C14orf132: variants seen among roughly 807,000 people sequenced by gnomAD.
C14orf132 encodes uncharacterized protein C14orf132.
Under a neutral mutation model 5.8 loss-of-function variants are expected in C14orf132, and 6 were observed. That is an observed-to-expected ratio of 1.03 (90% CI 0.57 to 2.04). The LOEUF (loss-of-function observed/expected upper bound fraction) is 2.04. Among genes scored for constraint, C14orf132 ranks in the 30% most tolerant of loss-of-function variants. The probability of loss-of-function intolerance (pLI) is 0.00; values close to 1 mark genes in which losing one functional copy is unlikely to be tolerated. For synonymous variants in C14orf132, 51 were observed against 49.8 expected, an observed-to-expected ratio of 1.02 and a Z score of -0.10; for missense variants, 125 against 115.8, an observed-to-expected ratio of 1.08 and a Z score of -0.37.
Position 96,057,557 on chromosome 14 carries a change from C to G in C14orf132, c.27+18030C>G, listed in dbSNP as rs541158401. Among the ~76,000 whole-genome samples the G allele has an allele frequency of 1.6e-3, 241 of 152,286 alleles. 1 individual carries two copies. Among genetic ancestry groups the G allele is most frequent in the Non-Finnish European group, 2.4e-3 (161 of 68,012 alleles). On this transcript the variant is annotated intron_variant, in intron 1 of 1. Coordinates refer to ENST00000555004, the MANE Select transcript of C14orf132 (RefSeq NM_001252507.3). ...CCTCAGGGCATCTACTGGAATGGTT[C>G]AGGCTGAAGGAGCTCATTGAACCCC...
intron 1 of C14orf132, among the ~76,000 whole-genome samples, chr14:96,082,801 G>GT (rs1295621765): frequency 7.9e-5 from 12 of 152,214 alleles, no homozygotes; most frequent in Non-Finnish European, 2.9e-5. Flanking sequence ...TAATCATTGC[G>GT]TAACTGTCTT....
chr14:96,047,709 C>T (rs1305808989), intron 1 of C14orf132, among the ~76,000 whole-genome samples: 1 of 152,168 alleles, frequency 6.6e-6, no homozygotes, highest in Non-Finnish European at 1.5e-5. Flanking sequence ...TGCATCACGT[C>T]AGCCTATTAT....
At chr14:96,080,055 G>C (rs1181427394) in intron 1 of C14orf132, among the ~76,000 whole-genome samples, 1 of 152,174 alleles carries the variant, frequency 6.6e-6, no homozygotes, top group African/African-American at 2.4e-5. Flanking sequence ...ATTTAAGTAG[G>C]CATCTTAAAT....
intron 1 of C14orf132, among the ~76,000 whole-genome samples, chr14:96,076,664 G>A (rs1353240597): frequency 2.0e-5 from 3 of 152,188 alleles, no homozygotes; most frequent in African/African-American, 7.2e-5. Flanking sequence ...AAAGCTTATG[G>A]ATTTGTGTTG....
chr14:96,085,909 CAG>C (rs1792098432), intron 1 of C14orf132, among the ~76,000 whole-genome samples: 1 of 151,906 alleles, frequency 6.6e-6, no homozygotes, highest in Non-Finnish European at 1.5e-5. Context: ...CATTTTGAAA[CAG>C]GGATTAAAAA....
At position 96,077,526 on chromosome 14, in the gene C14orf132, C is replaced by T. The variant is rs149252335; in HGVS notation, c.28-8985C>T. On this transcript the variant is annotated intron_variant, in intron 1 of 1. Transcript: ENST00000555004. ...ACAGAGGGAAGACCATGTGAAGACACAGGGAGAAGGTGGCCACCTGCAAGC... is the reference window on the plus strand; with the variant it reads ...ACAGAGGGAAGACCATGTGAAGACATAGGGAGAAGGTGGCCACCTGCAAGC... Among the ~76,000 whole-genome samples the T allele has an allele frequency of 4.6e-3, 704 of 152,228 alleles. 11 individuals are homozygous for T. The highest frequency in any genetic ancestry group is 0.036 in the East Asian group (185 of 5,166).
chr14:96,051,411 C>T (rs912943463), intron 1 of C14orf132, among the ~76,000 whole-genome samples: 7 of 152,276 alleles, frequency 4.6e-5, no homozygotes, highest in African/African-American at 7.2e-5. Context: ...GGGGAAATGC[C>T]GGGAGCAGGT....
rs1886640538 is a variant in C14orf132 at position 96,039,906 on chromosome 14, G to A, written c.27+379G>A. 6.6e-6 allele frequency among the ~76,000 whole-genome samples: 1 copy of A among 152,102 alleles called. No individual in the cohort carries two copies. The highest frequency in any genetic ancestry group is 1.5e-5 in the Non-Finnish European group (1 of 68,000). ...GCCAGCTCAGACCCGCGCGAACGTGGATGGGCACACAGTCTCGCCCTTCCC... is the reference window on the plus strand; with the variant it reads ...GCCAGCTCAGACCCGCGCGAACGTGAATGGGCACACAGTCTCGCCCTTCCC... On this transcript the variant is annotated intron_variant, in intron 1 of 1. Coordinates refer to ENST00000555004, the MANE Select transcript of C14orf132 (RefSeq NM_001252507.3). This position sits in a 1 kb window ranked among gnomAD's most constrained non-coding sequence, Gnocchi z 5.3.
At chr14:96,073,431 A>G (rs1410485595) in intron 1 of C14orf132, among the ~76,000 whole-genome samples, 2 of 152,268 alleles carry the variant, frequency 1.3e-5, no homozygotes, top group African/African-American at 2.4e-5. Flanking sequence ...AACCTATGAA[A>G]AAAAGTTCAA....
At chr14:96,066,780 T>A (rs1254403935) in intron 1 of C14orf132, among the ~76,000 whole-genome samples, 2 of 152,190 alleles carry the variant, frequency 1.3e-5, no homozygotes, top group Non-Finnish European at 2.9e-5. Flanking sequence ...CATAATATAT[T>A]GTAATGTAAT....
At position 96,093,455 on chromosome 14, in the gene C14orf132, G is replaced by C. The variant is rs546777899; in HGVS notation, c.*6720G>C. Reference sequence around the variant, plus strand: ...TCTCTTATTTCTGACCTTTTTCCACGTGCCCAGTCCTATTTCTGCCAGTTG... The same window carrying C: ...TCTCTTATTTCTGACCTTTTTCCACCTGCCCAGTCCTATTTCTGCCAGTTG... On this transcript the variant is annotated 3_prime_UTR_variant, in exon 2 of 2. Coordinates refer to ENST00000555004, the MANE Select transcript of C14orf132 (RefSeq NM_001252507.3). 56 of 152,298 alleles carry C rather than the reference G, an allele frequency of 3.7e-4. No individual in the cohort carries two copies. Among genetic ancestry groups the C allele is most frequent in the African/African-American group, 1.3e-3 (54 of 41,546 alleles). The allele number at this position is 152,298 out of a possible 1,614,324, so 9.4% of individuals were successfully genotyped here.
intron 1 of C14orf132, among the ~76,000 whole-genome samples, chr14:96,067,727 C>T (rs184095354): frequency 4.1e-4 from 62 of 151,960 alleles, no homozygotes; most frequent in Admixed American, 2.7e-3. Flanking sequence ...AGCATGCACT[C>T]AGTGTAGGTC....
chr14:96,052,061 C>G (rs149992393), intron 1 of C14orf132, among the ~76,000 whole-genome samples: 1 of 152,348 alleles, frequency 6.6e-6, no homozygotes, highest in Non-Finnish European at 1.5e-5. Context: ...GAAGAGGATA[C>G]CGAGGCTCAG....
intron 1 of C14orf132, among the ~76,000 whole-genome samples, chr14:96,048,661 G>T (rs1339308104): frequency 6.6e-6 from 1 of 152,044 alleles, no homozygotes; most frequent in Non-Finnish European, 1.5e-5. Context: ...GAATAGACGG[G>T]ATTACAGGTG....
At chr14:96,048,035 A>G (rs999236974) in intron 1 of C14orf132, among the ~76,000 whole-genome samples, 39 of 152,250 alleles carry the variant, frequency 2.6e-4, no homozygotes, top group African/African-American at 9.1e-4. Context: ...TAAAAATACA[A>G]AAATTAGCTG....
At chr14:96,045,884 G>A (rs570668022) in intron 1 of C14orf132, among the ~76,000 whole-genome samples, 15 of 152,298 alleles carry the variant, frequency 9.8e-5, no homozygotes, top group Admixed American at 3.3e-4. Flanking sequence ...TTGCCCGAGT[G>A]GCATCAGCTG....
intron 1 of C14orf132, among the ~76,000 whole-genome samples, chr14:96,054,578 A>G (rs1365089133): frequency 2.0e-5 from 3 of 152,204 alleles, no homozygotes; most frequent in African/African-American, 4.8e-5. Flanking sequence ...GGGTGGGAGA[A>G]TCAAATGAGA....
chr14:96,062,189 C>T (rs1284818931), intron 1 of C14orf132, among the ~76,000 whole-genome samples: 1 of 152,066 alleles, frequency 6.6e-6, no homozygotes, highest in Non-Finnish European at 1.5e-5. Flanking sequence ...GGATCGAGTC[C>T]CTGCCATGTG....
chr14:96,051,426 C>T (rs1234686975), intron 1 of C14orf132, among the ~76,000 whole-genome samples: 1 of 152,238 alleles, frequency 6.6e-6, no homozygotes, highest in African/African-American at 2.4e-5. Flanking sequence ...GCAGGTTGCT[C>T]CAGCCTGAGG....
Sources: allele counts gnomAD v4.1 joint callset (sites outside exome capture counted in the v4.1 genomes callset), GRCh38; gene constraint gnomAD v4.1.1; non-coding constraint Gnocchi (gnomAD v3.1); transcripts MANE v1.5; gene names NCBI Gene and HGNC (gene_info 2026-07-23, HGNC 2026-07-21).